CFAP54: variants seen among roughly 807,000 people sequenced by gnomAD.
The protein encoded by CFAP54 is cilia- and flagella-associated protein 54.
A neutral mutation model predicts 370.4 loss-of-function variants in CFAP54; 290 were observed. The observed-to-expected ratio is 0.78, with a 90% confidence interval of 0.71 to 0.86. CFAP54 has a LOEUF of 0.86. Ranked by LOEUF, CFAP54 falls within the 40% of genes least tolerant of loss-of-function variation. The pLI is 0.00. For synonymous variants in CFAP54, 1,206 were observed against 1,236.5 expected (o/e 0.98, Z 0.52); for missense variants, 3,399 against 3,528.7 (o/e 0.96, Z 0.93).
chr12:96,505,357 T>C (rs1403341645), intron 3 of CFAP54, among the ~76,000 whole-genome samples: 1 of 152,054 alleles, frequency 6.6e-6, no homozygotes, highest in Non-Finnish European at 1.5e-5. Context: ...CCACCGTGCC[T>C]GGCCAATTAA....
intron 50 of CFAP54, among the ~76,000 whole-genome samples, chr12:96,729,327 C>T (rs1416604427): frequency 1.3e-5 from 2 of 152,242 alleles, no homozygotes; most frequent in African/African-American, 4.8e-5. Context: ...CTGTGGTGGG[C>T]TCCACCCTGT....
At chr12:96,630,275 T>C in intron 31 of CFAP54, 71 bp downstream of exon 31, 2 of 791,576 alleles carry the variant, frequency 2.5e-6, no homozygotes, top group East Asian at 5.4e-5. Context: ...GATGATTGGC[T>C]ACATTTAAAC....
intron 60 of CFAP54, among the ~76,000 whole-genome samples, chr12:96,771,525 C>G (rs373127898): frequency 9.0e-4 from 137 of 152,092 alleles, no homozygotes; most frequent in South Asian, 5.8e-3. Flanking sequence ...GGTGGTGGGC[C>G]CCTGTAGTCC....
intron 66 of CFAP54, among the ~76,000 whole-genome samples, chr12:96,857,428 T>C (rs1240242361): frequency 1.3e-5 from 2 of 148,552 alleles, no homozygotes; most frequent in African/African-American, 4.8e-5. Context: ...CTGAGGATAA[T>C]AGCCTCTAGC....
At chr12:96,626,791 A>G in intron 29 of CFAP54, 22 bp from the exon 30 acceptor site, 1 of 1,280,334 alleles carries the variant, frequency 7.8e-7, no homozygotes, top group South Asian at 2.0e-5. Context: ...TTAACTATAT[A>G]TGAACTTCCT....
At chr12:96,658,872 G>A (rs968243662) in intron 38 of CFAP54, among the ~76,000 whole-genome samples, 4 of 152,252 alleles carry the variant, frequency 2.6e-5, no homozygotes, top group Non-Finnish European at 4.4e-5. Flanking sequence ...AGCAAAACTC[G>A]TAAAGACAGG....
rs2136702657 is a variant in CFAP54 at position 96,792,512 on chromosome 12, C to A, written c.8850+13C>A. 1 of 1,505,898 alleles carries A rather than the reference C, an allele frequency of 6.6e-7. No individual in the cohort carries two copies. Among genetic ancestry groups the A allele is most frequent in the Non-Finnish European group, 8.9e-7 (1 of 1,129,218 alleles). The allele number at this position is 1,505,898 out of a possible 1,614,324, so 93.3% of individuals were successfully genotyped here. A position where few individuals can be genotyped will look rare whatever the true frequency, so the allele number is the denominator to read the frequency against. On this transcript the variant is annotated intron_variant, in intron 63 of 67. Transcript: ENST00000524981. The stretch of plus-strand genomic sequence containing the variant: ...GACAGAACCTATGGTATGTAATGTA[C>A]TTATAGAACTCAATATTTCATTTAT...
intron 26 of CFAP54, among the ~76,000 whole-genome samples, chr12:96,617,586 C>T (rs1157095516): frequency 1.3e-5 from 2 of 152,180 alleles, no homozygotes; most frequent in Non-Finnish European, 2.9e-5. Flanking sequence ...AGCAGGGGTC[C>T]CATGCAATCC....
intron 63 of CFAP54, among the ~76,000 whole-genome samples, chr12:96,793,529 T>G (rs1347674069): frequency 6.6e-6 from 1 of 152,192 alleles, no homozygotes; most frequent in African/African-American, 2.4e-5. Context: ...CAAGTATTTT[T>G]TTTTCTTTGT....
chr12:96,533,337 T>C (rs1016086881), intron 9 of CFAP54, among the ~76,000 whole-genome samples: 2 of 152,222 alleles, frequency 1.3e-5, no homozygotes, highest in Non-Finnish European at 2.9e-5. Flanking sequence ...AACACTCACC[T>C]TTGCAGCCTT....
chr12:96,566,897 G>C (rs1181529560), intron 19 of CFAP54, among the ~76,000 whole-genome samples: 1 of 152,074 alleles, frequency 6.6e-6, no homozygotes, highest in Non-Finnish European at 1.5e-5. Context: ...CCTTCTTTTT[G>C]TGGTTCTGCC....
intron 65 of CFAP54, among the ~76,000 whole-genome samples, chr12:96,825,672 A>T (rs1276426199): frequency 1.6e-5 from 2 of 122,564 alleles, no homozygotes; most frequent in Non-Finnish European, 3.1e-5. Flanking sequence ...GCTATAATAT[A>T]TTATATATAA....
At chr12:96,742,416 A>G in intron 51 of CFAP54, 23 bp from the exon 52 acceptor site, 1 of 1,517,820 alleles carries the variant, frequency 6.6e-7, no homozygotes, top group Non-Finnish European at 9.1e-7. Flanking sequence ...TGGAAAGATA[A>G]CCATCATTTT....
Position 96,642,221 on chromosome 12 carries a change from A to G in CFAP54, c.4317-1957A>G, listed in dbSNP as rs367894617. On this transcript the variant is annotated intron_variant, in intron 32 of 67. Coordinates refer to ENST00000524981, the MANE Select transcript of CFAP54 (RefSeq NM_001306084.2). ...CCAGGCTAGCTCTTCAGTTTTTGAC[A>G]TGCTTCCATCATTTTTTTGAGCTAC... 5.3e-5 allele frequency among the ~76,000 whole-genome samples: 8 copies of G among 152,228 alleles called. 1 individual carries two copies. In the South Asian group the frequency reaches 1.7e-3, roughly 32 times the overall value.
chr12:96,766,990 TG>T (rs1242822556), intron 60 of CFAP54, among the ~76,000 whole-genome samples: 1 of 152,142 alleles, frequency 6.6e-6, no homozygotes, highest in Admixed American at 6.5e-5. Flanking sequence ...AAAGAGACAG[TG>T]GTTATCTGGG....
At chr12:96,718,171 C>T (rs968475582) in intron 48 of CFAP54, among the ~76,000 whole-genome samples, 1 of 151,958 alleles carries the variant, frequency 6.6e-6, no homozygotes, top group Admixed American at 6.6e-5. Flanking sequence ...CTAGCCTGGG[C>T]AACATAGTGA....
intron 66 of CFAP54, among the ~76,000 whole-genome samples, chr12:96,848,934 T>A (rs34444): frequency 0.58 from 88,469 of 151,994 alleles, 26,422 homozygotes; most frequent in African/African-American, 0.7. Context: ...GGGGAGAATA[T>A]TATCTATTAT....
intron 42 of CFAP54, among the ~76,000 whole-genome samples, chr12:96,685,929 A>G (rs760600680): frequency 6.6e-6 from 1 of 152,228 alleles, no homozygotes; most frequent in African/African-American, 2.4e-5. Context: ...GCAGTCAGGC[A>G]TGGGCCTCAT....
intron 26 of CFAP54, among the ~76,000 whole-genome samples, chr12:96,613,596 G>C (rs1049819805): frequency 1.3e-5 from 2 of 152,014 alleles, no homozygotes; most frequent in African/African-American, 2.4e-5. Flanking sequence ...TTTTTGAAAA[G>C]ACCAACAAAA....
Sources: allele counts gnomAD v4.1 joint callset (sites outside exome capture counted in the v4.1 genomes callset), GRCh38; gene constraint gnomAD v4.1.1; transcripts MANE v1.5; gene names NCBI Gene and HGNC (gene_info 2026-07-23, HGNC 2026-07-21).